Variants in AHCYL2 observed in about 807,000 individuals in gnomAD.
The protein encoded by AHCYL2 is adenosylhomocysteinase like 2.
A neutral mutation model predicts 81.4 loss-of-function variants in AHCYL2; 28 were observed. The ratio of observed to expected loss-of-function variants is 0.34; its 90% confidence interval spans 0.25 to 0.47. AHCYL2 has a LOEUF of 0.47. AHCYL2 is among the 20% of genes least tolerant of loss of function. The pLI, the probability that AHCYL2 is intolerant of heterozygous loss-of-function variation, is 1.00. For missense variants in AHCYL2, 551 were observed against 785.1 expected (o/e 0.70, Z 3.56); for synonymous variants, 272 against 290.2 (o/e 0.94, Z 0.64).
intron 1 of AHCYL2, among the ~76,000 whole-genome samples, chr7:129,348,983 A>G (rs996616532): frequency 6.6e-6 from 1 of 152,180 alleles, no homozygotes; most frequent in African/African-American, 2.4e-5. Context: ...GTTTCTTTCC[A>G]CCAGAAAATA....
chr7:129,413,550 T>G (rs1796699022), intron 11 of AHCYL2, 44 bp from the exon 12 acceptor site: 1 of 1,428,032 alleles, frequency 7.0e-7, no homozygotes, highest in Non-Finnish European at 9.9e-7. Context: ...ATTCTGTGGA[T>G]TATCTTTCTC....
At chr7:129,241,388 C>T (rs1050135122) in intron 1 of AHCYL2, among the ~76,000 whole-genome samples, 4 of 152,046 alleles carry the variant, frequency 2.6e-5, no homozygotes, top group East Asian at 1.9e-4. Flanking sequence ...GTCAGGAGTT[C>T]GAGACCAGCC....
At chr7:129,306,669 G>T (rs1298545162) in intron 1 of AHCYL2, among the ~76,000 whole-genome samples, 1 of 152,110 alleles carries the variant, frequency 6.6e-6, no homozygotes, top group African/African-American at 2.4e-5. Flanking sequence ...CAGTGTCTGG[G>T]CATTGAAGAG....
intron 1 of AHCYL2, among the ~76,000 whole-genome samples, chr7:129,285,372 T>A (rs934282706): frequency 2.0e-5 from 3 of 152,182 alleles, no homozygotes; most frequent in Admixed American, 2.0e-4. Context: ...AGCATAGAGA[T>A]TCCTGATGGA....
chr7:129,281,031 T>G (rs1386739647), intron 1 of AHCYL2, among the ~76,000 whole-genome samples: 1 of 151,780 alleles, frequency 6.6e-6, no homozygotes, highest in Non-Finnish European at 1.5e-5. Context: ...GCCTGGCTAA[T>G]TTTTTGTATT....
chr7:129,350,714 CT>C (rs56115169), intron 1 of AHCYL2, among the ~76,000 whole-genome samples: 64,552 of 121,972 alleles, frequency 0.53, 14,929 homozygotes, highest in East Asian at 0.59. Flanking sequence ...TTCTTTCTTT[CT>C]TTTTTTTTTT....
intron 1 of AHCYL2, among the ~76,000 whole-genome samples, chr7:129,261,122 A>T (rs1365942635): frequency 2.0e-5 from 3 of 152,322 alleles, no homozygotes; most frequent in Non-Finnish European, 4.4e-5. Context: ...GTATACTTCT[A>T]AAAAATAAAT....
At chr7:129,260,076 C>CAAA (rs35687709) in intron 1 of AHCYL2, among the ~76,000 whole-genome samples, 3 of 67,634 alleles carry the variant, frequency 4.4e-5, no homozygotes, top group Non-Finnish European at 6.1e-5. Flanking sequence ...AACTCCATCT[C>CAAA]AAAAAAAAAA....
intron 1 of AHCYL2, among the ~76,000 whole-genome samples, chr7:129,265,458 T>A (rs1224240517): frequency 6.6e-6 from 1 of 152,082 alleles, no homozygotes; most frequent in Admixed American, 6.6e-5. Flanking sequence ...TTAAAGGGGC[T>A]GCTTTATTAT....
At chr7:129,370,555 G>A (rs369214240) in intron 1 of AHCYL2, among the ~76,000 whole-genome samples, 8 of 152,224 alleles carry the variant, frequency 5.3e-5, no homozygotes, top group South Asian at 2.1e-4. Context: ...AAAATTAGCC[G>A]GGCGTGGTGG....
At chr7:129,359,803 GTCCATAC>G (rs1793869601) in intron 1 of AHCYL2, among the ~76,000 whole-genome samples, 1 of 152,236 alleles carries the variant, frequency 6.6e-6, no homozygotes, top group African/African-American at 2.4e-5. Context: ...GAGAATTTAA[GTCCATAC>G]TCCACTCCTG....
chr7:129,333,041 T>A (rs112623165), intron 1 of AHCYL2, among the ~76,000 whole-genome samples: 1 of 152,152 alleles, frequency 6.6e-6, no homozygotes, highest in Admixed American at 6.5e-5. Flanking sequence ...ATGGTTACTA[T>A]TGAGGGGTGG....
chr7:129,383,786 G>A (rs942578787), intron 2 of AHCYL2, among the ~76,000 whole-genome samples: 2 of 152,088 alleles, frequency 1.3e-5, no homozygotes, highest in Admixed American at 1.3e-4. Flanking sequence ...CGAGACCTTT[G>A]TACCTGTTCC....
In AHCYL2 at chr7:129,234,029, T is replaced by G. The variant is rs532115764; in HGVS notation, c.363+8590T>G. On this transcript the variant is annotated intron_variant, in intron 1 of 16. Transcript: ENST00000325006. ...CTCCTCCTTTCTTTTTCTATCTTTC[T>G]TCTCTCTCTTTCTCTTTGTTTTCAT... Among the ~76,000 whole-genome samples, 4 of 151,954 alleles carry G rather than the reference T, an allele frequency of 2.6e-5. No individual in the cohort carries two copies. The East Asian group carries it at 5.8e-4, about 22-fold the overall frequency.
At chr7:129,309,421 T>A (rs914282623) in intron 1 of AHCYL2, among the ~76,000 whole-genome samples, 2 of 151,800 alleles carry the variant, frequency 1.3e-5, no homozygotes, top group Non-Finnish European at 2.9e-5. Context: ...ATGCCTGTAG[T>A]CCCAGCTACG....
chr7:129,245,595 C>T (rs567087760), intron 1 of AHCYL2, among the ~76,000 whole-genome samples: 2 of 152,174 alleles, frequency 1.3e-5, no homozygotes, highest in African/African-American at 4.8e-5. Context: ...TATAAGTAGA[C>T]TCATACAGTA....
intron 1 of AHCYL2, among the ~76,000 whole-genome samples, chr7:129,348,396 C>A (rs1793436367): frequency 1.3e-5 from 2 of 148,588 alleles, no homozygotes; most frequent in African/African-American, 2.5e-5. Flanking sequence ...AACAATAACC[C>A]CCCCCCCACA....
intron 1 of AHCYL2, among the ~76,000 whole-genome samples, chr7:129,294,478 C>T (rs1227243218): frequency 6.6e-6 from 1 of 152,096 alleles, no homozygotes; most frequent in Non-Finnish European, 1.5e-5. Flanking sequence ...TCATTTAATT[C>T]TTAGAATTCT....
intron 1 of AHCYL2, among the ~76,000 whole-genome samples, chr7:129,288,151 A>G (rs1183228500): frequency 6.6e-6 from 1 of 152,198 alleles, no homozygotes; most frequent in Non-Finnish European, 1.5e-5. Flanking sequence ...TGAGTATCAT[A>G]TAGTGCAGTT....
Sources: allele counts gnomAD v4.1 joint callset (sites outside exome capture counted in the v4.1 genomes callset), GRCh38; gene constraint gnomAD v4.1.1; transcripts MANE v1.5; gene names NCBI Gene and HGNC (gene_info 2026-07-23, HGNC 2026-07-21).